The following FOCAD variants were observed in gnomAD, a reference collection of about 807,000 sequenced individuals.
FOCAD encodes KIAA1797.
FOCAD carries 198 observed loss-of-function variants against 225.6 expected under a neutral mutation model. The observed-to-expected ratio is 0.88, with a 90% CI of 0.78 to 0.99. The LOEUF is 0.99. Ranked by LOEUF, FOCAD falls within the 50% of genes least tolerant of loss-of-function variation. The pLI, the probability that FOCAD is intolerant of heterozygous loss-of-function variation, is 0.00. For missense variants in FOCAD, 2,713 were observed against 2,123.6 expected (o/e 1.28, Z -5.46); for synonymous variants, 897 against 755.0 (o/e 1.19, Z -3.08).
At chr9:20,921,454 T>C (rs1453791549) in intron 24 of FOCAD, among the ~76,000 whole-genome samples, 1 of 152,226 alleles carries the variant, frequency 6.6e-6, no homozygotes, top group Non-Finnish European at 1.5e-5. Context: ...GAGTTTTTAC[T>C]GAACCAGTTA....
chr9:20,928,100 G>GC (rs1835130658), intron 26 of FOCAD, among the ~76,000 whole-genome samples: 1 of 152,048 alleles, frequency 6.6e-6, no homozygotes, highest in Admixed American at 6.6e-5. Flanking sequence ...GCTTATGGAG[G>GC]TCTTTGCAAT....
chr9:20,948,850 G>A lies in FOCAD; in HGVS notation c.3799-1G>A, dbSNP rs1348048868. The A allele has an allele frequency of 6.2e-7, 1 of 1,613,262 alleles. No individual in the cohort carries two copies. Among genetic ancestry groups the A allele is most frequent in the Admixed American group, 1.7e-5 (1 of 59,966 alleles). On this transcript the variant is annotated splice_acceptor_variant, in intron 31 of 43. Coordinates refer to ENST00000338382, the MANE Select transcript of FOCAD (RefSeq NM_001375567.1). LOFTEE classifies it high-confidence loss of function. ...TTCATATTCTGATGCTTTGTTTTCA[G>A]GGCACTCCCACAATGCTTTGTCTGG...
intron 2 of FOCAD, 86 bp from the exon 3 acceptor site, chr9:20,717,708 C>G: frequency 9.7e-7 from 1 of 1,029,498 alleles, no homozygotes; most frequent in South Asian, 1.4e-5. Context: ...TCCTAATTGA[C>G]TGCCTGGCAT....
At chr9:20,926,493 G>T (rs377179179) in intron 26 of FOCAD, 76 bp downstream of exon 26, 2 of 952,146 alleles carry the variant, frequency 2.1e-6, no homozygotes, top group Non-Finnish European at 3.4e-6. Flanking sequence ...ACATGAAATC[G>T]ATTATATAGG....
intron 38 of FOCAD, 26 bp downstream of exon 38, chr9:20,981,712 C>T: frequency 1.3e-6 from 2 of 1,590,286 alleles, no homozygotes; most frequent in African/African-American, 1.4e-5. Context: ...ATTTACATTC[C>T]TGACAATTTA....
chr9:20,829,433 A>G lies in FOCAD; in HGVS notation c.1920+6318A>G, dbSNP rs758876441. Among the ~76,000 whole-genome samples the G allele has an allele frequency of 7.8e-4, 118 of 151,524 alleles. 1 individual carries two copies. Among genetic ancestry groups the G allele is most frequent in the Non-Finnish European group, 1.3e-3 (90 of 67,912 alleles). On this transcript the variant is annotated intron_variant, in intron 15 of 43. Coordinates refer to ENST00000338382, the MANE Select transcript of FOCAD (RefSeq NM_001375567.1). ...TTATTATCTGTTTTTTTTTCAAACT[A>G]TAGCCATCCTAATGAGTGTGAAGTG... is the stretch of plus-strand genomic sequence containing the variant.
At chr9:20,751,082 G>A (rs1828495835) in intron 5 of FOCAD, among the ~76,000 whole-genome samples, 1 of 152,056 alleles carries the variant, frequency 6.6e-6, no homozygotes, top group East Asian at 1.9e-4. Context: ...GAGCCAGGAT[G>A]TAAATTTGGA....
chr9:20,830,968 C>A (rs1419977928), intron 15 of FOCAD, among the ~76,000 whole-genome samples: 1 of 152,058 alleles, frequency 6.6e-6, no homozygotes, highest in African/African-American at 2.4e-5. Context: ...ATGATAATCT[C>A]ATGCCTGGCC....
chr9:20,978,511 T>G, intron 37 of FOCAD, 57 bp downstream of exon 37: 13 of 1,172,450 alleles, frequency 1.1e-5, no homozygotes, highest in Non-Finnish European at 1.6e-5. Flanking sequence ...TAGGAGGATA[T>G]TAACATTCAT....
intron 1 of FOCAD, among the ~76,000 whole-genome samples, chr9:20,712,018 T>C (rs1317699214): frequency 6.6e-6 from 1 of 152,206 alleles, no homozygotes; most frequent in Non-Finnish European, 1.5e-5. Flanking sequence ...CCAGATAGAT[T>C]TGATAAATTC....
At chr9:20,721,289 T>A (rs1397857390) in intron 4 of FOCAD, among the ~76,000 whole-genome samples, 2 of 152,302 alleles carry the variant, frequency 1.3e-5, no homozygotes, top group East Asian at 3.9e-4. Flanking sequence ...CCCTCCTCCT[T>A]GGTGAAGCTA....
At chr9:20,962,421 T>C (rs867423679) in intron 35 of FOCAD, among the ~76,000 whole-genome samples, 9 of 146,032 alleles carry the variant, frequency 6.2e-5, no homozygotes, top group Non-Finnish European at 9.1e-5. Context: ...CACACACACA[T>C]ACATACATAC....
At chr9:20,736,812 T>C (rs1488884506) in intron 4 of FOCAD, among the ~76,000 whole-genome samples, 6 of 152,130 alleles carry the variant, frequency 3.9e-5, no homozygotes, top group Non-Finnish European at 8.8e-5. Flanking sequence ...CCCCTAGGCA[T>C]TAAGTGACTT....
Position 20,990,139 on chromosome 9 carries a change from T to A in FOCAD, c.5021T>A (p.Leu1674Ter), listed in dbSNP as rs1564252409. 5 of 1,614,220 alleles carry A rather than the reference T, an allele frequency of 3.1e-6. No homozygotes were observed. The highest frequency in any genetic ancestry group is 4.2e-6 in the Non-Finnish European group (5 of 1,180,016). Residue 1674 changes from leucine to a stop codon, truncating the protein, a stop_gained, in exon 42 of 44, where the codon TTG (leucine) becomes TAG (stop). Coordinates refer to ENST00000338382, the MANE Select transcript of FOCAD (RefSeq NM_001375567.1). LOFTEE classifies it high-confidence loss of function. ...TCATCGTAGGCTTTGGACTTCTTCTTGCTGATATTTGCAACCGCAGTGGTT... is the reference window on the plus strand; with the variant it reads ...TCATCGTAGGCTTTGGACTTCTTCTAGCTGATATTTGCAACCGCAGTGGTT... The part of the protein sequence containing the change: ...TALDKALDFF[L>*]LIFATAVVAW...
At chr9:20,712,730 CTTTTTTTTTTTT>C (rs71334550) in intron 1 of FOCAD, among the ~76,000 whole-genome samples, 17 of 93,322 alleles carry the variant, frequency 1.8e-4, no homozygotes, top group Admixed American at 2.8e-4. Flanking sequence ...CTCCTATATT[CTTTTTTTTTTTT>C]TTTTTTTTTT....
intron 11 of FOCAD, among the ~76,000 whole-genome samples, chr9:20,815,447 T>G (rs1391911946): frequency 6.6e-6 from 1 of 151,804 alleles, no homozygotes; most frequent in African/African-American, 2.4e-5. Context: ...ACCCGGCCTC[T>G]CCTTCGTTTT....
upstream of FOCAD, among the ~76,000 whole-genome samples, chr9:20,681,230 C>G (rs576021238): frequency 5.9e-5 from 9 of 152,068 alleles, no homozygotes; most frequent in Non-Finnish European, 1.3e-4. Context: ...CAAGTATAAC[C>G]TATTATCATT....
chr9:20,884,445 C>T (rs1048257281), intron 20 of FOCAD, among the ~76,000 whole-genome samples: 4 of 151,798 alleles, frequency 2.6e-5, no homozygotes, highest in Non-Finnish European at 5.9e-5. Context: ...TTCAGGTGTT[C>T]GCCACCATGC....
intron 18 of FOCAD, among the ~76,000 whole-genome samples, chr9:20,867,481 A>G (rs986015427): frequency 7.9e-5 from 12 of 152,068 alleles, no homozygotes; most frequent in African/African-American, 2.4e-4. Context: ...AAGTATCACT[A>G]TCTTTTAAGA....
Sources: gnomAD v4.1 joint callset for allele counts (sites outside exome capture counted in the v4.1 genomes callset) on GRCh38, gnomAD v4.1.1 for gene constraint, MANE v1.5 for transcripts, NCBI Gene and HGNC (gene_info 2026-07-23, HGNC 2026-07-21) for gene names.